The following KLF12 variants were observed in gnomAD, a reference collection of about 807,000 sequenced individuals.
KLF12 encodes the protein Krueppel-like factor 12.
Under a neutral mutation model 37.8 loss-of-function variants are expected in KLF12, and 9 were observed. That is an observed-to-expected ratio of 0.24 (90% CI 0.14 to 0.42). KLF12 has a LOEUF of 0.42. Ranked by LOEUF, KLF12 falls within the 10% of genes least tolerant of loss-of-function variation. The pLI, the probability that KLF12 is intolerant of heterozygous loss-of-function variation, is 1.00. For synonymous variants in KLF12, 208 were observed against 202.1 expected, an observed-to-expected ratio of 1.03 and a Z score of -0.25; for missense variants, 411 against 516.0, an observed-to-expected ratio of 0.80 and a Z score of 1.97.
intron 5 of KLF12, among the ~76,000 whole-genome samples, chr13:73,766,179 G>A (rs1282775270): frequency 1.3e-5 from 2 of 152,202 alleles, no homozygotes; most frequent in Non-Finnish European, 2.9e-5. Flanking sequence ...CGGCATGGGG[G>A]AGGGGGTGTT....
At chr13:74,218,890 C>A in the KLF12 span, among the ~76,000 whole-genome samples, 38,055 of 151,724 alleles carry the variant, frequency 0.25, 7,002 homozygotes, top group African/African-American at 0.52. Context: ...TCCCCTTATA[C>A]CACACCCCAG....
intron 4 of KLF12, among the ~76,000 whole-genome samples, chr13:73,835,373 G>A (rs994809081): frequency 6.6e-6 from 1 of 152,108 alleles, no homozygotes; most frequent in Non-Finnish European, 1.5e-5. Context: ...TTCATTACAG[G>A]TCTCATGGTT....
chr13:74,244,932 C>A, the KLF12 span, among the ~76,000 whole-genome samples: 1 of 152,248 alleles, frequency 6.6e-6, no homozygotes, highest in Middle Eastern at 3.4e-3. Context: ...GTGACAGCAG[C>A]AACAAACATA....
At chr13:73,994,476 C>A (rs1212419259) in intron 2 of KLF12, among the ~76,000 whole-genome samples, 3 of 149,660 alleles carry the variant, frequency 2.0e-5, no homozygotes, top group South Asian at 2.2e-4. Context: ...CCCCCCCCAC[C>A]ACCACACTTT....
chr13:74,275,809 T>TC, the KLF12 span, among the ~76,000 whole-genome samples: 1 of 79,720 alleles, frequency 1.3e-5, no homozygotes, highest in East Asian at 3.0e-4. Context: ...TTTCTTTCCT[T>TC]CTTTCTTTCT....
At chr13:73,728,068 T>C (rs1876795946) in intron 6 of KLF12, among the ~76,000 whole-genome samples, 3 of 152,244 alleles carry the variant, frequency 2.0e-5, no homozygotes, top group Admixed American at 1.3e-4. Context: ...GCTGCCATCT[T>C]ACCAACATTA....
chr13:74,266,447 C>G, the KLF12 span, among the ~76,000 whole-genome samples: 365 of 152,250 alleles, frequency 2.4e-3, no homozygotes, highest in African/African-American at 8.2e-3. Flanking sequence ...GTGAAATGCA[C>G]ACATACCCAT....
rs199848643 is a variant in KLF12 at position 73,825,069 on chromosome 13, CA to C, written c.671-11783del. ...GGGCAACAAGAGCAAAACTCCGCCT[CA>C]AAAAAAAAAACAATAGAAATATGCA... On this transcript the variant is annotated intron_variant, in intron 4 of 7. Coordinates refer to ENST00000377669, the MANE Select transcript of KLF12 (RefSeq NM_007249.5). 7.0e-3 allele frequency among the ~76,000 whole-genome samples: 883 copies of C among 126,986 alleles called. 5 individuals carry two copies. The highest frequency in any genetic ancestry group is 0.022 in the African/African-American group (788 of 35,494). The allele number at this position is 126,986 out of a possible 152,430, so 83.3% of individuals were successfully genotyped here.
intron 3 of KLF12, among the ~76,000 whole-genome samples, chr13:73,941,089 A>C (rs1890164669): frequency 6.6e-6 from 1 of 152,264 alleles, no homozygotes; most frequent in Non-Finnish European, 1.5e-5. Flanking sequence ...GATTGAGATT[A>C]GTATCTATTT....
the KLF12 span, among the ~76,000 whole-genome samples, chr13:74,275,425 A>T: frequency 6.6e-6 from 1 of 152,308 alleles, no homozygotes; most frequent in East Asian, 1.9e-4. Flanking sequence ...TTGCTTTCAA[A>T]CTACATGTTG....
chr13:74,205,574 A>G, the KLF12 span, among the ~76,000 whole-genome samples: 1 of 152,190 alleles, frequency 6.6e-6, no homozygotes, highest in African/African-American at 2.4e-5. Context: ...TTGGATTTGT[A>G]TGGACACGTA....
At chr13:74,016,872 C>G (rs1892699922) in intron 1 of KLF12, among the ~76,000 whole-genome samples, 1 of 152,062 alleles carries the variant, frequency 6.6e-6, no homozygotes, top group Non-Finnish European at 1.5e-5. Context: ...TGGAAACAAT[C>G]CAAATGTCTA....
chr13:73,986,224 T>C (rs559307112), intron 2 of KLF12, among the ~76,000 whole-genome samples: 5 of 152,194 alleles, frequency 3.3e-5, no homozygotes, highest in Non-Finnish European at 5.9e-5. Flanking sequence ...TATCACCATG[T>C]GAAACTGTGG....
chr13:73,811,422 TC>T (rs1009891473), intron 5 of KLF12, among the ~76,000 whole-genome samples: 2 of 152,208 alleles, frequency 1.3e-5, no homozygotes, highest in Admixed American at 1.3e-4. Context: ...ATCCTCAGTA[TC>T]TTCATTTATA....
chr13:74,060,488 G>GTGTGTGTGTGTGTGTGTGTGTC (rs1873517174), intron 1 of KLF12, among the ~76,000 whole-genome samples: 15 of 95,378 alleles, frequency 1.6e-4, no homozygotes, highest in African/African-American at 5.1e-4. Flanking sequence ...TAGGTTTTGT[G>GTGTGTGTGTGTGTGTGTGTGTC]TGTGTGTGTG....
At chr13:74,164,766 G>T in the KLF12 span, among the ~76,000 whole-genome samples, 1 of 152,144 alleles carries the variant, frequency 6.6e-6, no homozygotes, top group African/African-American at 2.4e-5. Context: ...ATCATCCAGT[G>T]GAACTGGAGG....
chr13:73,841,674 C>G (rs930591820), intron 4 of KLF12, among the ~76,000 whole-genome samples: 1 of 152,140 alleles, frequency 6.6e-6, no homozygotes, highest in Non-Finnish European at 1.5e-5. Context: ...TTAGATTGCA[C>G]AGTATAGGCT....
chr13:74,136,038 G>C (rs1413484229), upstream of KLF12, among the ~76,000 whole-genome samples: 5 of 152,196 alleles, frequency 3.3e-5, no homozygotes, highest in Non-Finnish European at 7.3e-5. Context: ...ACCTAGAGGA[G>C]GGGTCCCACA....
rs1467564687 is a variant in KLF12, at chr13:73,845,817, T to C, written c.670+10A>G. ...GCTGAAATAAATCAAGGCTTGTTTA[T>C]GTCTCTTACCTTTGCCATGGCCTCT... On this transcript the variant is annotated intron_variant, in intron 4 of 7. Transcript: ENST00000377669. 3.7e-6 allele frequency: 6 copies of C among 1,605,162 alleles called. No homozygotes were observed. In the East Asian group the frequency reaches 6.7e-5, roughly 18 times the overall value.
Sources: gnomAD v4.1 joint callset for allele counts (sites outside exome capture counted in the v4.1 genomes callset) on GRCh38, gnomAD v4.1.1 for gene constraint, MANE v1.5 for transcripts, NCBI Gene and HGNC (gene_info 2026-07-23, HGNC 2026-07-21) for gene names.